RABGAP1L: variants seen among roughly 807,000 people sequenced by gnomAD.
The protein encoded by RABGAP1L is RAB GTPase activating protein 1 like.
Under a neutral mutation model 137.7 loss-of-function variants are expected in RABGAP1L, and 63 were observed. The observed-to-expected ratio is 0.46, with a 90% CI of 0.37 to 0.56. The LOEUF (loss-of-function observed/expected upper bound fraction) is 0.56. Among genes scored for constraint, RABGAP1L ranks in the 20% least tolerant of loss-of-function variants. The pLI, the probability that RABGAP1L is intolerant of heterozygous loss-of-function variation, is 0.00. For missense variants in RABGAP1L, 1,095 were observed against 1,244.0 expected (o/e 0.88, Z 1.80); for synonymous variants, 431 against 433.7 (o/e 0.99, Z 0.08).
chr1:174,924,176 C>T (rs554043430), intron 19 of RABGAP1L, among the ~76,000 whole-genome samples: 4 of 150,776 alleles, frequency 2.7e-5, no homozygotes, highest in Admixed American at 2.0e-4. Flanking sequence ...ATCACGAGGT[C>T]GAGAGATTGA....
chr1:174,396,286 G>A (rs1647833749), intron 13 of RABGAP1L, among the ~76,000 whole-genome samples: 1 of 151,938 alleles, frequency 6.6e-6, no homozygotes. Context: ...AAAAACCACT[G>A]AATTGTACAC....
At chr1:174,973,633 C>T (rs2149372349) in intron 21 of RABGAP1L, among the ~76,000 whole-genome samples, 1 of 152,230 alleles carries the variant, frequency 6.6e-6, no homozygotes, top group Non-Finnish European at 1.5e-5. Context: ...GACCCACCCA[C>T]CTCAGCCTCC....
intron 13 of RABGAP1L, among the ~76,000 whole-genome samples, chr1:174,422,683 G>A (rs1651464279): frequency 6.6e-6 from 1 of 151,652 alleles, no homozygotes; most frequent in East Asian, 1.9e-4. Flanking sequence ...GCTGAGCACG[G>A]TGGCCTGTAA....
At chr1:174,224,766 A>G (rs1670034516) in intron 3 of RABGAP1L, among the ~76,000 whole-genome samples, 1 of 152,176 alleles carries the variant, frequency 6.6e-6, no homozygotes. Context: ...TGAGCACTTT[A>G]AAAATGCTTT....
intron 17 of RABGAP1L, among the ~76,000 whole-genome samples, chr1:174,741,811 G>A (rs1211348491): frequency 2.7e-4 from 36 of 134,434 alleles, no homozygotes; most frequent in African/African-American, 1.1e-3. Flanking sequence ...TTTAAGTGGG[G>A]AGTTTGAGAC....
In RABGAP1L at chr1:174,811,894, G is replaced by C. The variant is rs1450288055; in HGVS notation, c.2274G>C (p.Gln758His). ...FEGALKFFRV[Q>H]LPKRYRAEEN... ...GTGCTTTAAAGTTCTTTAGAGTTCA[G>C]CTTCCAAAGAGATACAGGGCAGAGG... is the stretch of plus-strand genomic sequence containing the variant. Residue 758 changes from glutamine to histidine, a missense_variant, in exon 19 of 26, where the codon CAG becomes CAC. Gln to His is a conservative substitution (Grantham distance 24, BLOSUM62 0). This residue lies in a region of RABGAP1L where 312 missense variants were observed against 435.6 expected (regional missense o/e 0.72). Coordinates refer to ENST00000681986, the MANE Select transcript of RABGAP1L (RefSeq NM_001366446.1). The C allele has an allele frequency of 1.5e-5, 24 of 1,609,760 alleles. No homozygotes were observed. The highest frequency in any genetic ancestry group is 2.0e-5 in the Non-Finnish European group (23 of 1,177,680).
chr1:174,672,397 C>T (rs1247324233), intron 14 of RABGAP1L, among the ~76,000 whole-genome samples: 1 of 151,426 alleles, frequency 6.6e-6, no homozygotes. Flanking sequence ...TCTCCTGCCT[C>T]AGCCTCCTGA....
intron 3 of RABGAP1L, among the ~76,000 whole-genome samples, chr1:174,225,047 C>T (rs1289790532): frequency 1.3e-5 from 2 of 151,742 alleles, no homozygotes; most frequent in African/African-American, 2.4e-5. Flanking sequence ...CTACACTAAT[C>T]TCTTTCTTTT....
At position 174,339,553 on chromosome 1, in the gene RABGAP1L, T is replaced by C. The variant is rs182727578; in HGVS notation, c.1466-31426T>C. On this transcript the variant is annotated intron_variant, in intron 11 of 25. Transcript: ENST00000681986. ...ATATTTTTTTATATTGCTTATAAGT[T>C]AGTTGAGGAAGGATTAGTCTTCAGT... 1.4e-3 allele frequency among the ~76,000 whole-genome samples: 210 copies of C among 152,294 alleles called. 2 individuals carry two copies. Among genetic ancestry groups the C allele is most frequent in the African/African-American group, 4.8e-3 (199 of 41,564 alleles).
chr1:174,394,174 T>C (rs781372524), intron 13 of RABGAP1L, 29 bp downstream of exon 13: 7 of 1,602,422 alleles, frequency 4.4e-6, no homozygotes, highest in South Asian at 2.2e-5. Flanking sequence ...CATATTATTT[T>C]CATTGGATGA....
At chr1:174,239,713 G>T (rs1378576712) in intron 4 of RABGAP1L, among the ~76,000 whole-genome samples, 1 of 152,212 alleles carries the variant, frequency 6.6e-6, no homozygotes, top group African/African-American at 2.4e-5. Context: ...GGCTAGGGAA[G>T]TAAGTGATTC....
At chr1:174,357,129 TG>T (rs955963880) in intron 11 of RABGAP1L, among the ~76,000 whole-genome samples, 24 of 152,318 alleles carry the variant, frequency 1.6e-4, no homozygotes, top group African/African-American at 5.5e-4. Context: ...CACCAAATTC[TG>T]CTCCCTAAGT....
intron 18 of RABGAP1L, chr1:174,800,425 G>A (rs1267695323): frequency 2.0e-5 from 31 of 1,550,756 alleles, no homozygotes; most frequent in Non-Finnish European, 2.5e-5. Context: ...GGAGCAAGCT[G>A]GTGAATGAGT....
chr1:174,850,211 A>AAC (rs1306582727), intron 19 of RABGAP1L: 1 of 342,080 alleles, frequency 2.9e-6, no homozygotes, highest in East Asian at 7.1e-5. Flanking sequence ...CACACGTGGG[A>AAC]ACACCAGTGC....
intron 13 of RABGAP1L, among the ~76,000 whole-genome samples, chr1:174,497,311 A>G (rs1461816272): frequency 6.6e-6 from 1 of 152,218 alleles, no homozygotes; most frequent in Non-Finnish European, 1.5e-5. Context: ...TTTATTATGT[A>G]TCCAGCACTG....
At chr1:174,851,597 T>C (rs574755832) in intron 19 of RABGAP1L, among the ~76,000 whole-genome samples, 40 of 152,250 alleles carry the variant, frequency 2.6e-4, no homozygotes, top group African/African-American at 7.9e-4. Context: ...TACTGCAACC[T>C]TGACCTTCCA....
intron 11 of RABGAP1L, among the ~76,000 whole-genome samples, chr1:174,317,063 G>A (rs1333301897): frequency 6.6e-6 from 1 of 151,938 alleles, no homozygotes; most frequent in Non-Finnish European, 1.5e-5. Context: ...TTTGGCCAGG[G>A]CAGGTTTAGA....
chr1:174,683,221 C>T (rs1049634090), intron 14 of RABGAP1L, among the ~76,000 whole-genome samples: 1 of 152,068 alleles, frequency 6.6e-6, no homozygotes, highest in African/African-American at 2.4e-5. Context: ...CCTGTGGCCT[C>T]ATACAGCTGA....
intron 13 of RABGAP1L, among the ~76,000 whole-genome samples, chr1:174,398,725 A>G (rs771932201): frequency 6.6e-5 from 10 of 152,178 alleles, no homozygotes; most frequent in Non-Finnish European, 1.5e-4. Context: ...AGATAGACAC[A>G]TTGATTTATC....
Sources: allele counts gnomAD v4.1 joint callset (sites outside exome capture counted in the v4.1 genomes callset), GRCh38; gene constraint gnomAD v4.1.1; regional missense constraint gnomAD v4.1.1; transcripts MANE v1.5; gene names NCBI Gene and HGNC (gene_info 2026-07-23, HGNC 2026-07-21).